The following PHF14 variants were observed in gnomAD, a reference collection of about 807,000 sequenced individuals.
PHF14 encodes the protein PHD finger protein 14.
Under a neutral mutation model 117.9 loss-of-function variants are expected in PHF14, and 55 were observed. The observed-to-expected ratio is 0.47, with a 90% CI of 0.38 to 0.58. The LOEUF is 0.58. Ranked by LOEUF, PHF14 falls within the 20% of genes least tolerant of loss-of-function variation. PHF14 has a pLI of 0.00. For missense variants in PHF14, 978 were observed against 1,122.2 expected, an observed-to-expected ratio of 0.87 and a Z score of 1.84; for synonymous variants, 409 against 368.6, an observed-to-expected ratio of 1.11 and a Z score of -1.26.
At chr7:11,143,952 A>G (rs913783683) in intron 17 of PHF14, among the ~76,000 whole-genome samples, 2 of 151,876 alleles carry the variant, frequency 1.3e-5, no homozygotes, top group Non-Finnish European at 2.9e-5. Context: ...ATAAAATGGG[A>G]AAAAAAAGTA....
intron 5 of PHF14, among the ~76,000 whole-genome samples, chr7:11,021,568 T>A (rs1783736657): frequency 6.6e-6 from 1 of 152,202 alleles, no homozygotes; most frequent in Non-Finnish European, 1.5e-5. Flanking sequence ...AAGGTCAGTA[T>A]GAAGCAAGCA....
At position 11,097,254 on chromosome 7, in the gene PHF14, C is replaced by T. The variant is rs534822884; in HGVS notation, c.2655-14096C>T. Among the ~76,000 whole-genome samples, 31 of 152,242 alleles carry T rather than the reference C, an allele frequency of 2.0e-4. No homozygotes were observed. In the South Asian group the frequency reaches 6.2e-3, roughly 31 times the overall value. On this transcript the variant is annotated intron_variant, in intron 16 of 17. Coordinates refer to ENST00000634607, the MANE Select transcript of PHF14 (RefSeq NM_001007157.2). ...TCAGCCTCCCGAAGTGCTGGGATTA[C>T]AGGCGCGAGCCACCGTGCCCAGCCA...
chr7:11,096,146 T>C (rs1163489500), intron 16 of PHF14, among the ~76,000 whole-genome samples: 1 of 152,074 alleles, frequency 6.6e-6, no homozygotes, highest in Non-Finnish European at 1.5e-5. Flanking sequence ...TTGGTTCTTT[T>C]ATTCTTTTTC....
At chr7:11,119,706 T>G (rs1787695082) in intron 17 of PHF14, among the ~76,000 whole-genome samples, 1 of 151,916 alleles carries the variant, frequency 6.6e-6, no homozygotes. Flanking sequence ...AAATATTTGT[T>G]AAAAAATATT....
chr7:11,037,192 T>C, intron 10 of PHF14, 101 bp downstream of exon 10: 1 of 1,073,390 alleles, frequency 9.3e-7, no homozygotes. Flanking sequence ...TTTAATTTCT[T>C]CTGGAGCTCT....
At chr7:11,124,340 A>G (rs986818203) in intron 17 of PHF14, among the ~76,000 whole-genome samples, 2 of 152,126 alleles carry the variant, frequency 1.3e-5, no homozygotes, top group Non-Finnish European at 2.9e-5. Flanking sequence ...AATTGCATGT[A>G]TGGCAGTTTA....
intron 16 of PHF14, among the ~76,000 whole-genome samples, chr7:11,081,263 T>G (rs928059653): frequency 2.6e-4 from 40 of 152,168 alleles, no homozygotes; most frequent in African/African-American, 9.7e-4. Context: ...TTTAGCAATG[T>G]GAATCAAAGG....
rs145373600 is a variant in PHF14 at position 11,036,556 on chromosome 7, C to A, written c.1741C>A (p.Arg581=). ...SSASAIRKLM[R]KAELMGISTD... Reference sequence around the variant, plus strand: ...TGCTTCAGCTATTCGTAAACTTATGCGGAAAGCAGAACTCATGGGGATCAG... The same window carrying A: ...TGCTTCAGCTATTCGTAAACTTATGAGGAAAGCAGAACTCATGGGGATCAG... Residue 581 remains arginine, a synonymous_variant, in exon 9 of 18, where the codon CGG becomes AGG. Transcript: ENST00000634607. 1 of 1,613,880 alleles carries A rather than the reference C, an allele frequency of 6.2e-7. No individual in the cohort carries two copies. Among genetic ancestry groups the A allele is most frequent in the Non-Finnish European group, 8.5e-7 (1 of 1,179,854 alleles).
At chr7:11,160,072 T>TC (rs2128356631) in intron 17 of PHF14, among the ~76,000 whole-genome samples, 1 of 152,146 alleles carries the variant, frequency 6.6e-6, no homozygotes, top group East Asian at 1.9e-4. Context: ...CCTCCTTCCC[T>TC]CCCCATTCTA....
At chr7:11,155,148 T>C (rs149711949) in intron 17 of PHF14, among the ~76,000 whole-genome samples, 62 of 152,282 alleles carry the variant, frequency 4.1e-4, no homozygotes, top group African/African-American at 1.3e-3. Context: ...TCCTCATATT[T>C]TATTTTATTT....
chr7:11,052,272 A>C (rs1784872008), intron 14 of PHF14, among the ~76,000 whole-genome samples: 1 of 152,320 alleles, frequency 6.6e-6, no homozygotes, highest in East Asian at 1.9e-4. Flanking sequence ...ATTTTGACCA[A>C]AATTATGTTG....
rs1401741068 is a variant in PHF14 at position 10,990,732 on chromosome 7, C to G, written c.930C>G (p.Asn310Lys). ...CGCTGATTCTTGAGAAGAGTCAAAACTGGAGCTCTCAAAAAATGGACCATA... is the reference window on the plus strand; with the variant it reads ...CGCTGATTCTTGAGAAGAGTCAAAAGTGGAGCTCTCAAAAAATGGACCATA... ...EDSLILEKSQ[N>K]WSSQKMDHIL... The change falls in exon 4 of 18, where the codon AAC becomes AAG. Residue 310 changes from asparagine to lysine, a missense_variant. Physicochemically the swap from Asn to Lys is moderately conservative, Grantham distance 94. Around this residue, in one of 7 missense-constraint regions of PHF14, gnomAD observed 414 missense variants for 376.4 expected, o/e 1.10. Coordinates refer to ENST00000634607, the MANE Select transcript of PHF14 (RefSeq NM_001007157.2). 2 of 1,558,044 alleles carry G rather than the reference C, an allele frequency of 1.3e-6. No homozygotes were observed. Among genetic ancestry groups the G allele is most frequent in the Admixed American group, 1.9e-5 (1 of 53,300 alleles).
chr7:11,059,317 A>G (rs971566390), intron 14 of PHF14, among the ~76,000 whole-genome samples: 1 of 152,236 alleles, frequency 6.6e-6, no homozygotes, highest in African/African-American at 2.4e-5. Flanking sequence ...TCAAAACTAC[A>G]TGATACATTT....
chr7:10,976,956 T>G (rs1188600770), intron 2 of PHF14, among the ~76,000 whole-genome samples: 3 of 151,280 alleles, frequency 2.0e-5, no homozygotes, highest in Non-Finnish European at 4.4e-5. Flanking sequence ...TAAAAGGGAA[T>G]TTAGAAGAAA....
At chr7:10,978,803 C>T (rs1203942540) in intron 2 of PHF14, among the ~76,000 whole-genome samples, 1 of 151,952 alleles carries the variant, frequency 6.6e-6, no homozygotes, top group Non-Finnish European at 1.5e-5. Context: ...GCCAGTTGTC[C>T]TCTGGGGGAA....
Position 10,982,402 on chromosome 7 carries a change from A to T in PHF14, c.143A>T (p.Asp48Val), listed in dbSNP as rs1468819491. ...GAAGGGAGTGGTAATGGAAGTGAAG[A>T]TGCTTCAAAGGACAGTGGAGAAGGT... ...DSEGSGNGSE[D>V]ASKDSGEGSC... Residue 48 changes from aspartate to valine, a missense_variant, in exon 3 of 18, where the codon GAT becomes GTT. Asp to Val is a radical substitution (Grantham distance 152). This residue lies in a region of PHF14 where 414 missense variants were observed against 376.4 expected (regional missense o/e 1.10). Transcript: ENST00000634607. The T allele has an allele frequency of 6.4e-7, 1 of 1,568,372 alleles. No individual in the cohort carries two copies. The highest frequency in any genetic ancestry group is 1.4e-5 in the African/African-American group (1 of 72,286).
At position 11,112,826 on chromosome 7, in the gene PHF14, A is replaced by C. The variant is rs186140279; in HGVS notation, c.2772+1359A>C. On this transcript the variant is annotated intron_variant, in intron 17 of 17. Transcript: ENST00000634607. ...AGGATTATTAAGATATAATATTTGC[A>C]TATATTTTATTTAATAATCAAGCAT... 9.2e-5 allele frequency among the ~76,000 whole-genome samples: 14 copies of C among 152,236 alleles called. No homozygotes were observed. The East Asian group carries it at 2.5e-3, about 27-fold the overall frequency.
At chr7:10,990,252 G>A (rs1037231309) in intron 3 of PHF14, among the ~76,000 whole-genome samples, 5 of 152,188 alleles carry the variant, frequency 3.3e-5, no homozygotes, top group East Asian at 1.9e-4. Context: ...GTATATGTGC[G>A]TCTTGTCTTC....
chr7:11,136,581 A>G (rs1427219754), intron 17 of PHF14, among the ~76,000 whole-genome samples: 4 of 152,160 alleles, frequency 2.6e-5, no homozygotes, highest in Non-Finnish European at 5.9e-5. Flanking sequence ...GAGGTTGAGC[A>G]TGTCTTTTGC....
Sources: gnomAD v4.1 joint callset for allele counts (sites outside exome capture counted in the v4.1 genomes callset) on GRCh38, gnomAD v4.1.1 for gene constraint, gnomAD v4.1.1 regional missense constraint, MANE v1.5 for transcripts, NCBI Gene and HGNC (gene_info 2026-07-23, HGNC 2026-07-21) for gene names.